The following ARHGAP44 variants were observed in gnomAD, a reference collection of about 807,000 sequenced individuals.
ARHGAP44 encodes Rho GTPase activating protein 44.
ARHGAP44 carries 43 observed loss-of-function variants against 106.8 expected under a neutral mutation model. That is an observed-to-expected ratio of 0.40 (90% CI 0.32 to 0.52). The LOEUF (loss-of-function observed/expected upper bound fraction) is 0.52, where lower values mean the gene tolerates loss of function less well. ARHGAP44 is among the 20% of genes least tolerant of loss of function. The probability of loss-of-function intolerance (pLI) is 0.48; values close to 1 mark genes in which losing one functional copy is unlikely to be tolerated. For synonymous variants in ARHGAP44, 439 were observed against 410.3 expected (o/e 1.07, Z -0.85); for missense variants, 866 against 1,050.5 (o/e 0.82, Z 2.43).
At chr17:12,966,574 C>T (rs933666270) in intron 16 of ARHGAP44, among the ~76,000 whole-genome samples, 2 of 152,214 alleles carry the variant, frequency 1.3e-5, no homozygotes, top group African/African-American at 4.8e-5. Flanking sequence ...TTTCACTCAC[C>T]TTTGCTGTCC....
intron 1 of ARHGAP44, among the ~76,000 whole-genome samples, chr17:12,835,956 T>C (rs910318148): frequency 3.9e-5 from 6 of 152,248 alleles, no homozygotes; most frequent in Non-Finnish European, 7.3e-5. Flanking sequence ...GTTTTATCTA[T>C]GTTGTAGCAT....
intron 1 of ARHGAP44, among the ~76,000 whole-genome samples, chr17:12,875,231 C>T (rs544977447): frequency 6.6e-6 from 1 of 152,194 alleles, no homozygotes; most frequent in Admixed American, 6.5e-5. Flanking sequence ...GCTGCTGGTC[C>T]AGGGACCACC....
At chr17:12,976,288 CTTTTT>C (rs1182431225) in intron 18 of ARHGAP44, among the ~76,000 whole-genome samples, 1 of 151,960 alleles carries the variant, frequency 6.6e-6, no homozygotes, top group Non-Finnish European at 1.5e-5. Flanking sequence ...GGCTTCCAGG[CTTTTT>C]TGTTTTATTT....
chr17:12,807,259 C>T (rs116123766), intron 1 of ARHGAP44, among the ~76,000 whole-genome samples: 56 of 152,272 alleles, frequency 3.7e-4, no homozygotes, highest in African/African-American at 1.3e-3. Context: ...AGAGTAAGTC[C>T]TCAGTGACTG....
intron 1 of ARHGAP44, among the ~76,000 whole-genome samples, chr17:12,867,457 C>T (rs1418223165): frequency 1.3e-5 from 2 of 152,122 alleles, no homozygotes; most frequent in African/African-American, 2.4e-5. Flanking sequence ...CATAGTCTTG[C>T]TTACAGGAAG....
intron 6 of ARHGAP44, among the ~76,000 whole-genome samples, chr17:12,924,528 T>C (rs1163713476): frequency 6.6e-6 from 1 of 152,200 alleles, no homozygotes; most frequent in Non-Finnish European, 1.5e-5. Context: ...ACACATTCCA[T>C]TTCTGCCGAA....
chr17:12,966,175 C>G (rs867061758), intron 16 of ARHGAP44, among the ~76,000 whole-genome samples: 53 of 144,738 alleles, frequency 3.7e-4, no homozygotes, highest in Middle Eastern at 3.5e-3. Context: ...AAAAAAAATC[C>G]TTGAAAGAGA....
chr17:12,804,561 T>A (rs1309143718), intron 1 of ARHGAP44, among the ~76,000 whole-genome samples: 1 of 152,208 alleles, frequency 6.6e-6, no homozygotes, highest in East Asian at 1.9e-4. Flanking sequence ...AGCCAGCATT[T>A]TGAGTGTGAA....
At chr17:12,794,379 A>T (rs143535102) in intron 1 of ARHGAP44, among the ~76,000 whole-genome samples, 4 of 152,270 alleles carry the variant, frequency 2.6e-5, no homozygotes, top group Non-Finnish European at 5.9e-5. Flanking sequence ...TGGTCCACTG[A>T]AGTCCTCAAC....
chr17:12,935,991 C>A (rs574937914), intron 7 of ARHGAP44, among the ~76,000 whole-genome samples: 1 of 152,292 alleles, frequency 6.6e-6, no homozygotes, highest in Admixed American at 6.5e-5. Flanking sequence ...TTGCACTTTT[C>A]TTTACCTTTG....
intron 16 of ARHGAP44, among the ~76,000 whole-genome samples, chr17:12,970,365 C>CAAAAAAAAAAAAA (rs66577680): frequency 3.6e-5 from 2 of 55,184 alleles, no homozygotes; most frequent in Non-Finnish European, 8.4e-5. Flanking sequence ...GACCCTGTCT[C>CAAAAAAAAAAAAA]AAAAAAAAAA....
Position 12,802,224 on chromosome 17 carries a change from T to A in ARHGAP44, c.53+12333T>A, listed in dbSNP as rs192049798. 2.6e-3 allele frequency among the ~76,000 whole-genome samples: 402 copies of A among 152,306 alleles called. 1 individual carries two copies. The highest frequency in any genetic ancestry group is 9.1e-3 in the African/African-American group (379 of 41,564). On this transcript the variant is annotated intron_variant, in intron 1 of 20. Transcript: ENST00000379672. ...CTGAAATTTGCTGGTTCCCCCATAA[T>A]CAGTTAGGGTTCTCTGGATGCAGCA...
intron 7 of ARHGAP44, among the ~76,000 whole-genome samples, chr17:12,933,246 G>T (rs2038451862): frequency 6.6e-6 from 1 of 152,132 alleles, no homozygotes; most frequent in East Asian, 1.9e-4. Flanking sequence ...CAAGTGTTTG[G>T]GATCTCCTAT....
At chr17:12,944,026 C>T (rs765151566) in intron 9 of ARHGAP44, 43 bp from the exon 10 acceptor site, 27 of 1,549,736 alleles carry the variant, frequency 1.7e-5, no homozygotes, top group African/African-American at 2.7e-5. Context: ...CATGAGTGAA[C>T]TTGGCGAACA....
intron 6 of ARHGAP44, 111 bp from the exon 7 acceptor site, chr17:12,928,818 G>A: frequency 2.2e-6 from 2 of 898,856 alleles, no homozygotes; most frequent in Non-Finnish European, 1.7e-6. Flanking sequence ...TTTCCAGTGA[G>A]GGTATGTAGT....
rs116077275 is a variant in ARHGAP44 at position 12,956,154 on chromosome 17, G to C, written c.1250+174G>C. 3.9e-3 allele frequency among the ~76,000 whole-genome samples: 588 copies of C among 152,224 alleles called. 3 individuals carry two copies. Among genetic ancestry groups the C allele is most frequent in the African/African-American group, 0.013 (560 of 41,560 alleles). ...TGAGGAGGAGGCACAGAATTCTGCA[G>C]ATCTTTCTTTTTGTTGATGGTCCCA... On this transcript the variant is annotated intron_variant, in intron 14 of 20. Coordinates refer to ENST00000379672, the MANE Select transcript of ARHGAP44 (RefSeq NM_014859.6).
At chr17:12,982,549 A>G (rs2039859351) in intron 19 of ARHGAP44, 1 of 152,182 alleles carries the variant, frequency 6.6e-6, no homozygotes, top group South Asian at 2.1e-4. Flanking sequence ...GGCTGCCATG[A>G]GCTGCAGTAG....
chr17:12,802,064 G>A (rs1279605296), intron 1 of ARHGAP44, among the ~76,000 whole-genome samples: 1 of 152,182 alleles, frequency 6.6e-6, no homozygotes, highest in Non-Finnish European at 1.5e-5. Flanking sequence ...TGTTCTGGAA[G>A]GGACGTGATG....
rs570746202 is a variant in ARHGAP44 at position 12,853,517 on chromosome 17, T to C, written c.54-41423T>C. Among the ~76,000 whole-genome samples the C allele has an allele frequency of 7.9e-5, 12 of 152,090 alleles. No homozygotes were observed. In the South Asian group the frequency reaches 2.5e-3, roughly 32 times the overall value. On this transcript the variant is annotated intron_variant, in intron 1 of 20. Coordinates refer to ENST00000379672, the MANE Select transcript of ARHGAP44 (RefSeq NM_014859.6). ...GAGGTGAATCGTTTGCAAGAAAGGT[T>C]TGGCAGTCACAGAGGACAGAAAGGT... is the stretch of plus-strand genomic sequence containing the variant.
Sources: allele counts gnomAD v4.1 joint callset (sites outside exome capture counted in the v4.1 genomes callset), GRCh38; gene constraint gnomAD v4.1.1; transcripts MANE v1.5; gene names NCBI Gene and HGNC (gene_info 2026-07-23, HGNC 2026-07-21).